Variants in DHRS7B observed in about 807,000 individuals in gnomAD.
The protein encoded by DHRS7B is dehydrogenase/reductase 7B.
DHRS7B carries 24 observed loss-of-function variants against 26.4 expected under a neutral mutation model. The observed-to-expected ratio is 0.91, with a 90% CI of 0.66 to 1.28. The LOEUF (loss-of-function observed/expected upper bound fraction) is 1.28, where lower values mean the gene tolerates loss of function less well. DHRS7B is among the 50% of genes most tolerant of loss of function. The pLI is 0.00. For missense variants in DHRS7B, 368 were observed against 419.4 expected (o/e 0.88, Z 1.07); for synonymous variants, 142 against 166.4 (o/e 0.85, Z 1.13).
chr17:21,172,072 G>GC lies in DHRS7B; in HGVS notation c.79dup (p.Leu27ProfsTer52). On this transcript the variant is annotated frameshift_variant, in exon 2 of 7. Transcript: ENST00000395511. LOFTEE classifies it high-confidence loss of function. ...ACTTCATCACCTCCACAGCCATCCT[G>GC]CCCCTGCTGTTCGGCTGCCTGGGCG... 1 of 1,614,208 alleles carries GC rather than the reference G, an allele frequency of 6.2e-7. No homozygotes were observed. Among genetic ancestry groups the GC allele is most frequent in the Non-Finnish European group, 8.5e-7 (1 of 1,180,032 alleles).
chr17:21,146,327 G>A (rs551964212), intron 1 of DHRS7B, among the ~76,000 whole-genome samples: 43 of 152,256 alleles, frequency 2.8e-4, no homozygotes, highest in African/African-American at 1.0e-3. Flanking sequence ...TTTGAGCCCC[G>A]GAGGTCAAGG....
chr17:21,158,220 A>T lies in DHRS7B; in HGVS notation c.21-13798A>T, dbSNP rs57217681. The stretch of plus-strand genomic sequence containing the variant: ...CCCTCTCACCACTGCTTTAAAAAAA[A>T]TTTTTCCCACCCAAATCTCATATTG... On this transcript the variant is annotated intron_variant, in intron 1 of 6. Transcript: ENST00000395511. Among the ~76,000 whole-genome samples the T allele has an allele frequency of 4.1e-3, 627 of 152,304 alleles. 6 individuals are homozygous for T. The highest frequency in any genetic ancestry group is 0.014 in the African/African-American group (600 of 41,570).
At chr17:21,171,217 C>T (rs774129754) in intron 1 of DHRS7B, among the ~76,000 whole-genome samples, 1 of 152,188 alleles carries the variant, frequency 6.6e-6, no homozygotes, top group Non-Finnish European at 1.5e-5. Flanking sequence ...CACAGGAGGA[C>T]AGGTGAATGC....
intron 1 of DHRS7B, among the ~76,000 whole-genome samples, chr17:21,158,584 T>C (rs1973929478): frequency 6.6e-6 from 1 of 152,248 alleles, no homozygotes; most frequent in Non-Finnish European, 1.5e-5. Context: ...TGTTCACAGA[T>C]AGAACAACTC....
At chr17:21,158,275 G>A (rs1228283062) in intron 1 of DHRS7B, among the ~76,000 whole-genome samples, 1 of 152,146 alleles carries the variant, frequency 6.6e-6, no homozygotes, top group East Asian at 1.9e-4. Flanking sequence ...CATCATACTG[G>A]AAGTCCTATA....
chr17:21,177,135 C>T (rs1307560537), intron 2 of DHRS7B, among the ~76,000 whole-genome samples: 1 of 152,108 alleles, frequency 6.6e-6, no homozygotes, highest in African/African-American at 2.4e-5. Context: ...TTGCTGGGCC[C>T]CCCACTCAAG....
intron 3 of DHRS7B, among the ~76,000 whole-genome samples, chr17:21,179,273 C>T (rs546482519): frequency 6.6e-6 from 1 of 152,166 alleles, no homozygotes; most frequent in Non-Finnish European, 1.5e-5. Context: ...TTTTCATGTG[C>T]TTATTGACCA....
intron 1 of DHRS7B, among the ~76,000 whole-genome samples, chr17:21,160,362 TA>T (rs1175253024): frequency 6.7e-6 from 1 of 150,092 alleles, no homozygotes; most frequent in African/African-American, 2.5e-5. Flanking sequence ...GTCTCAAAAA[TA>T]AAAAAATTTA....
At chr17:21,132,557 AAAAC>A (rs1973262710) in intron 1 of DHRS7B, among the ~76,000 whole-genome samples, 1 of 150,410 alleles carries the variant, frequency 6.6e-6, no homozygotes. Context: ...AAACAAAAAA[AAAAC>A]AGGGAAGTGA....
chr17:21,160,048 T>C (rs1597743450), intron 1 of DHRS7B, among the ~76,000 whole-genome samples: 2 of 151,846 alleles, frequency 1.3e-5, no homozygotes, highest in South Asian at 4.2e-4. Context: ...GGTGAAACCC[T>C]GTCTCTACTA....
intron 2 of DHRS7B, among the ~76,000 whole-genome samples, chr17:21,175,174 C>T (rs908950489): frequency 2.6e-5 from 4 of 152,188 alleles, no homozygotes; most frequent in South Asian, 4.1e-4. Flanking sequence ...GTGGAGCACA[C>T]GGAGGCTTCA....
At chr17:21,136,024 G>C (rs1192577611) in intron 1 of DHRS7B, among the ~76,000 whole-genome samples, 2 of 152,066 alleles carry the variant, frequency 1.3e-5, no homozygotes, top group African/African-American at 4.8e-5. Flanking sequence ...ACTGGCCGGG[G>C]ATGGTGACTC....
intron 3 of DHRS7B, among the ~76,000 whole-genome samples, chr17:21,180,662 T>G: frequency 1.4e-5 from 2 of 145,608 alleles, no homozygotes; most frequent in Non-Finnish European, 1.5e-5. Context: ...AGGGACGGGG[T>G]GGAGCATGAG....
chr17:21,138,253 G>T (rs1422801461), intron 1 of DHRS7B, among the ~76,000 whole-genome samples: 2 of 97,258 alleles, frequency 2.1e-5, no homozygotes, highest in Non-Finnish European at 3.6e-5. Context: ...GTCTCTCTCT[G>T]TTGCCTACAC....
At chr17:21,149,131 A>G (rs1229458149) in intron 1 of DHRS7B, among the ~76,000 whole-genome samples, 1 of 152,126 alleles carries the variant, frequency 6.6e-6, no homozygotes, top group Non-Finnish European at 1.5e-5. Flanking sequence ...TCAATGAAGA[A>G]GCCTCATGGG....
rs1036032599 is a variant in DHRS7B, at chr17:21,168,685, A to G, written c.21-3333A>G. 2.0e-5 allele frequency: 20 copies of G among 984,616 alleles called. No individual in the cohort carries two copies. In the South Asian group the frequency reaches 3.8e-4, roughly 19 times the overall value. 61.0% of individuals were successfully genotyped at this position (984,616 alleles called of 1,614,324 possible). The stretch of plus-strand genomic sequence containing the variant: ...CGTTTGGCCTTGGCACTGGCTTTTA[A>G]TTTGCTTTGCATTCTGATTCGATAG... On this transcript the variant is annotated intron_variant, in intron 1 of 6. Transcript: ENST00000395511.
At chr17:21,131,115 AG>A (rs1422370735) in intron 1 of DHRS7B, among the ~76,000 whole-genome samples, 1 of 152,174 alleles carries the variant, frequency 6.6e-6, no homozygotes, top group Non-Finnish European at 1.5e-5. Flanking sequence ...ACCTCAAGAG[AG>A]GGTTCTTGGA....
At chr17:21,181,514 G>C (rs180798493) in intron 3 of DHRS7B, among the ~76,000 whole-genome samples, 7 of 152,306 alleles carry the variant, frequency 4.6e-5, no homozygotes, top group Admixed American at 4.6e-4. Context: ...TTAACATGTA[G>C]GAAGGCATCA....
intron 1 of DHRS7B, chr17:21,166,456 G>T: frequency 1.0e-6 from 1 of 985,238 alleles, no homozygotes; most frequent in Non-Finnish European, 1.2e-6. Flanking sequence ...CACTGGCAAG[G>T]TAGCTGCCAT....
Sources: allele counts gnomAD v4.1 joint callset (sites outside exome capture counted in the v4.1 genomes callset), GRCh38; gene constraint gnomAD v4.1.1; transcripts MANE v1.5; gene names NCBI Gene and HGNC (gene_info 2026-07-23, HGNC 2026-07-21).